IYD: variants seen among roughly 807,000 people sequenced by gnomAD.
IYD encodes the protein iodotyrosine deiodinase.
IYD carries 25 observed loss-of-function variants against 28.4 expected under a neutral mutation model. That is an observed-to-expected ratio of 0.88 (90% CI 0.64 to 1.23). The LOEUF (loss-of-function observed/expected upper bound fraction) is 1.23. Among genes scored for constraint, IYD ranks in the 50% most tolerant of loss-of-function variants. IYD has a pLI of 0.00. For missense variants in IYD, 352 were observed against 357.9 expected (o/e 0.98, Z 0.13); for synonymous variants, 140 against 130.8 (o/e 1.07, Z -0.48).
At chr6:150,395,603 T>G (rs1019538958) in intron 4 of IYD, 40 of 1,482,236 alleles carry the variant, frequency 2.7e-5, no homozygotes, top group Non-Finnish European at 3.6e-5. Flanking sequence ...CACTTTGCCA[T>G]TGAGTTTGCT....
rs1396471274 is a variant in IYD at position 150,402,981 on chromosome 6, G to A, written c.*4744G>A. On this transcript the variant is annotated 3_prime_UTR_variant, in exon 5 of 5. Coordinates refer to ENST00000344419, the MANE Select transcript of IYD (RefSeq NM_203395.3). The stretch of plus-strand genomic sequence containing the variant: ...CTTGCTCTGTCACCCAGGCTAGAAT[G>A]CAGTGGTGTGATTATAGCTCACTGC... 2 of 152,104 alleles carry A rather than the reference G, an allele frequency of 1.3e-5. No individual in the cohort carries two copies. The highest frequency in any genetic ancestry group is 3.9e-4 in the East Asian group (2 of 5,194). 9.4% of individuals were successfully genotyped at this position (152,104 alleles called of 1,614,324 possible).
chr6:150,382,588 AT>A (rs1777688104), intron 1 of IYD, among the ~76,000 whole-genome samples: 1 of 149,154 alleles, frequency 6.7e-6, no homozygotes, highest in Admixed American at 6.7e-5. Flanking sequence ...CTCCAATTAA[AT>A]GGTTAGACCT....
At chr6:150,370,382 A>AGTTT (rs746713866) in intron 1 of IYD, 49 of 514,048 alleles carry the variant, frequency 9.5e-5, no homozygotes, top group Admixed American at 5.8e-4. Context: ...AGCATGCATG[A>AGTTT]GTTTGTGTGT....
In IYD at chr6:150,403,751, A is replaced by G. The variant is rs1778572379; in HGVS notation, c.*5514A>G. 1 of 152,240 alleles carries G rather than the reference A, an allele frequency of 6.6e-6. No individual in the cohort carries two copies. The highest frequency in any genetic ancestry group is 2.4e-5 in the African/African-American group (1 of 41,466). 9.4% of individuals were successfully genotyped at this position (152,240 alleles called of 1,614,324 possible). A position where few individuals can be genotyped will look rare whatever the true frequency, so the allele number is the denominator to read the frequency against. ...ATGAGGCAGGGGATTGGTTTATGTT[A>G]TTATCATGACCTGAGAGTCATGGCT... is the stretch of plus-strand genomic sequence containing the variant. On this transcript the variant is annotated 3_prime_UTR_variant, in exon 5 of 5. Coordinates refer to ENST00000344419, the MANE Select transcript of IYD (RefSeq NM_203395.3).
Position 150,403,088 on chromosome 6 carries a change from A to G in IYD, c.*4851A>G, listed in dbSNP as rs1477963254. ...GATACAGGTGCACGCCACCACACCC[A>G]GGCTAGTTTTTCTAAATATTGGAGT... On this transcript the variant is annotated 3_prime_UTR_variant, in exon 5 of 5. Coordinates refer to ENST00000344419, the MANE Select transcript of IYD (RefSeq NM_203395.3). 1.3e-5 allele frequency: 2 copies of G among 152,214 alleles called. No individual in the cohort carries two copies. The highest frequency in any genetic ancestry group is 1.3e-4 in the Admixed American group (2 of 15,286). 9.4% of individuals were successfully genotyped at this position (152,214 alleles called of 1,614,324 possible).
At chr6:150,392,560 C>T in intron 3 of IYD, 56 bp downstream of exon 3, 4 of 1,511,152 alleles carry the variant, frequency 2.6e-6, no homozygotes, top group Non-Finnish European at 3.7e-6. Flanking sequence ...AATAAAATCA[C>T]CACCACCACC....
chr6:150,373,034 T>C (rs1426257142), intron 1 of IYD, among the ~76,000 whole-genome samples: 1 of 152,134 alleles, frequency 6.6e-6, no homozygotes, highest in African/African-American at 2.4e-5. Context: ...AAGAAAAAGA[T>C]AGGAAACACA....
chr6:150,395,021 C>T (rs186787689), intron 4 of IYD, among the ~76,000 whole-genome samples: 1 of 152,230 alleles, frequency 6.6e-6, no homozygotes, highest in African/African-American at 2.4e-5. Flanking sequence ...TGGAGTTTTG[C>T]CATATTGCCT....
intron 4 of IYD, chr6:150,396,575 C>CA: frequency 1.5e-6 from 1 of 650,870 alleles, no homozygotes; most frequent in Non-Finnish European, 2.7e-6. Flanking sequence ...AATATTTTCT[C>CA]AAAAAAGTTT....
Position 150,389,463 on chromosome 6 carries a change from T to C in IYD, c.290T>C (p.Leu97Pro). 1 of 1,613,950 alleles carries C rather than the reference T, an allele frequency of 6.2e-7. No homozygotes were observed. The highest frequency in any genetic ancestry group is 8.5e-7 in the Non-Finnish European group (1 of 1,179,846). The change falls in exon 2 of 5, where the codon CTC (leucine) becomes CCC (proline). Residue 97 changes from leucine to proline, a missense_variant. Physicochemically the swap from Leu to Pro is moderately conservative, Grantham distance 98. Transcript: ENST00000344419. The part of the protein sequence containing the change: ...VKRSQEFYEL[L>P]NKRRSVRFIS... ...AGGTCTCAGGAATTTTATGAACTTC[T>C]CAATAAGAGACGGTCAGTCAGGTTC...
At chr6:150,376,270 T>C (rs900632220) in intron 1 of IYD, among the ~76,000 whole-genome samples, 1 of 152,188 alleles carries the variant, frequency 6.6e-6, no homozygotes, top group African/African-American at 2.4e-5. Context: ...GAAAATGAAC[T>C]GACAAGAGAC....
rs1778625227 is a variant in IYD, at chr6:150,405,842, C to T, written c.*7605C>T. The T allele has an allele frequency of 6.6e-6, 1 of 152,144 alleles. No individual in the cohort carries two copies. The highest frequency in any genetic ancestry group is 1.5e-5 in the Non-Finnish European group (1 of 68,042). 9.4% of individuals were successfully genotyped at this position (152,144 alleles called of 1,614,324 possible). On this transcript the variant is annotated 3_prime_UTR_variant, in exon 5 of 5. Transcript: ENST00000344419. ...CTGTGATTCTTTTATTCTGCACATCCAAATCCATGAGCAAGTTATACTGAC... is the reference window on the plus strand; with the variant it reads ...CTGTGATTCTTTTATTCTGCACATCTAAATCCATGAGCAAGTTATACTGAC...
At chr6:150,370,576 C>G (rs1362377114) in intron 1 of IYD, 8 of 985,266 alleles carry the variant, frequency 8.1e-6, no homozygotes, top group Non-Finnish European at 9.6e-6. Flanking sequence ...TCTTGCTCTC[C>G]TACATTGAAA....
chr6:150,381,608 C>T (rs970036719), intron 1 of IYD, among the ~76,000 whole-genome samples: 1 of 152,164 alleles, frequency 6.6e-6, no homozygotes, highest in Non-Finnish European at 1.5e-5. Context: ...TATGTCCTTC[C>T]CCAGTCACAA....
At chr6:150,375,300 T>C (rs1777406344) in intron 1 of IYD, among the ~76,000 whole-genome samples, 2 of 151,994 alleles carry the variant, frequency 1.3e-5, no homozygotes. Flanking sequence ...AGTGTGGAGG[T>C]CACTGATTGG....
chr6:150,398,084 T>A lies in IYD; in HGVS notation c.717T>A (p.Thr239=). 7 of 1,614,124 alleles carry A rather than the reference T, an allele frequency of 4.3e-6. No homozygotes were observed. Among genetic ancestry groups the A allele is most frequent in the African/African-American group, 1.3e-5 (1 of 75,038 alleles). The change falls in exon 5 of 5, where the codon ACT becomes ACA. Residue 239 remains threonine, a synonymous_variant. Transcript: ENST00000344419. ...QNAGLVTVTT[T]PLNCGPRLRV... ...CAGGTCTGGTGACTGTCACTACCAC[T>A]CCTCTCAACTGTGGCCCTCGACTGA...
In IYD at chr6:150,402,620, T is replaced by G. The variant is rs1778543790; in HGVS notation, c.*4383T>G. 1 of 152,238 alleles carries G rather than the reference T, an allele frequency of 6.6e-6. No individual in the cohort carries two copies. 9.4% of individuals were successfully genotyped at this position (152,238 alleles called of 1,614,324 possible). ...CTTCTGAAACGCTAAGATCGGTTGA[T>G]ATTTGTCTAATACAGCTTTAAATAG... On this transcript the variant is annotated 3_prime_UTR_variant, in exon 5 of 5. Coordinates refer to ENST00000344419, the MANE Select transcript of IYD (RefSeq NM_203395.3).
At chr6:150,381,965 G>A (rs1308852249) in intron 1 of IYD, among the ~76,000 whole-genome samples, 1 of 152,148 alleles carries the variant, frequency 6.6e-6, no homozygotes, top group African/African-American at 2.4e-5. Context: ...TTGTACATAT[G>A]TGCATGGATT....
At position 150,378,366 on chromosome 6, in the gene IYD, T is replaced by C. The variant is rs1582775444; in HGVS notation, c.178+9157T>C. On this transcript the variant is annotated intron_variant, in intron 1 of 4. Coordinates refer to ENST00000344419, the MANE Select transcript of IYD (RefSeq NM_203395.3). ...CACAACAGTCCCCAGAGTGTGATGT[T>C]CCCCTTCCTGTGTCCATGTGTTCTC... is the stretch of plus-strand genomic sequence containing the variant. 2.0e-5 allele frequency among the ~76,000 whole-genome samples: 3 copies of C among 151,834 alleles called. No individual in the cohort carries two copies. In the South Asian group the frequency reaches 6.3e-4, roughly 32 times the overall value.
Sources: gnomAD v4.1 joint callset for allele counts (sites outside exome capture counted in the v4.1 genomes callset) on GRCh38, gnomAD v4.1.1 for gene constraint, MANE v1.5 for transcripts, NCBI Gene and HGNC (gene_info 2026-07-23, HGNC 2026-07-21) for gene names.